The following PTPRD variants were observed in gnomAD, a reference collection of about 807,000 sequenced individuals.
PTPRD encodes the protein receptor-type tyrosine-protein phosphatase delta.
Under a neutral mutation model 214.5 loss-of-function variants are expected in PTPRD, and 34 were observed. The observed-to-expected ratio is 0.16, with a 90% CI of 0.12 to 0.21. The LOEUF is 0.21. Ranked by LOEUF, PTPRD falls within the 10% of genes least tolerant of loss-of-function variation. The probability of loss-of-function intolerance (pLI) is 1.00; values close to 1 mark genes in which losing one functional copy is unlikely to be tolerated. For synonymous variants in PTPRD, 1,128 were observed against 845.7 expected, an observed-to-expected ratio of 1.33 and a Z score of -5.79; for missense variants, 2,545 against 2,398.7, an observed-to-expected ratio of 1.06 and a Z score of -1.27.
At chr9:9,934,128 T>A (rs200012002) in intron 5 of PTPRD, among the ~76,000 whole-genome samples, 11 of 148,536 alleles carry the variant, frequency 7.4e-5, no homozygotes, top group African/African-American at 2.1e-4. Context: ...AGAAAGCAGG[T>A]AAGATCCAAA....
intron 6 of PTPRD, among the ~76,000 whole-genome samples, chr9:9,744,670 A>G (rs971647593): frequency 2.0e-5 from 3 of 152,074 alleles, no homozygotes; most frequent in African/African-American, 7.2e-5. Flanking sequence ...TATATCTTCA[A>G]GTATATGTAT....
At chr9:10,447,740 T>C (rs2098809627) in intron 2 of PTPRD, among the ~76,000 whole-genome samples, 1 of 152,054 alleles carries the variant, frequency 6.6e-6, no homozygotes, top group Non-Finnish European at 1.5e-5. Context: ...CCCAGTTTCC[T>C]TCCTCATTCT....
At chr9:9,682,267 C>G (rs1037818093) in intron 7 of PTPRD, among the ~76,000 whole-genome samples, 3 of 151,694 alleles carry the variant, frequency 2.0e-5, no homozygotes, top group African/African-American at 7.3e-5. Flanking sequence ...TTTTTCTTAC[C>G]TGGTTTTCTC....
chr9:9,913,301 A>C (rs1168088016), intron 5 of PTPRD, among the ~76,000 whole-genome samples: 1 of 152,234 alleles, frequency 6.6e-6, no homozygotes, highest in Non-Finnish European at 1.5e-5. Context: ...AGTGATAATG[A>C]ATCTATTCAG....
intron 12 of PTPRD, among the ~76,000 whole-genome samples, chr9:8,697,417 CTTTTTTT>C (rs752677458): frequency 1.6e-5 from 1 of 63,244 alleles, no homozygotes; most frequent in African/African-American, 6.7e-5. Context: ...TTTTTATGTA[CTTTTTTT>C]TTTTTTTTTT....
intron 2 of PTPRD, among the ~76,000 whole-genome samples, chr9:10,495,710 T>C (rs2041852080): frequency 6.6e-6 from 1 of 151,820 alleles, no homozygotes; most frequent in African/African-American, 2.4e-5. Flanking sequence ...GTATGAAACA[T>C]TGTAAGCTAT....
intron 5 of PTPRD, among the ~76,000 whole-genome samples, chr9:9,875,490 C>T (rs918742149): frequency 6.6e-6 from 1 of 152,084 alleles, no homozygotes; most frequent in Non-Finnish European, 1.5e-5. Context: ...CCAATCTACA[C>T]TGCCTTCTTA....
chr9:9,625,072 C>G (rs1239135924), intron 7 of PTPRD, among the ~76,000 whole-genome samples: 1 of 152,166 alleles, frequency 6.6e-6, no homozygotes, highest in Non-Finnish European at 1.5e-5. Flanking sequence ...ACTTGAAAGC[C>G]TAGACAGGGA....
intron 2 of PTPRD, among the ~76,000 whole-genome samples, chr9:10,414,293 C>G (rs1421922074): frequency 6.6e-6 from 1 of 151,784 alleles, no homozygotes; most frequent in Non-Finnish European, 1.5e-5. Flanking sequence ...TACCTGAACA[C>G]TTTTCAAAAG....
At chr9:9,804,881 GA>G (rs1186919094) in intron 5 of PTPRD, among the ~76,000 whole-genome samples, 1 of 151,352 alleles carries the variant, frequency 6.6e-6, no homozygotes, top group Non-Finnish European at 1.5e-5. Context: ...CTTGATAGAA[GA>G]AATTCCTTGT....
At chr9:8,687,570 T>C (rs1427111753) in intron 12 of PTPRD, among the ~76,000 whole-genome samples, 1 of 152,118 alleles carries the variant, frequency 6.6e-6, no homozygotes, top group Non-Finnish European at 1.5e-5. Context: ...ACAGCCAAGG[T>C]CGGATGGAAG....
chr9:10,022,490 G>C (rs1242614238), intron 4 of PTPRD, among the ~76,000 whole-genome samples: 1 of 151,880 alleles, frequency 6.6e-6, no homozygotes, highest in Non-Finnish European at 1.5e-5. Flanking sequence ...AAGATTATTA[G>C]TATTAGGTTG....
At chr9:9,643,657 T>G (rs1167598400) in intron 7 of PTPRD, among the ~76,000 whole-genome samples, 2 of 152,144 alleles carry the variant, frequency 1.3e-5, no homozygotes, top group African/African-American at 4.8e-5. Flanking sequence ...ACAAAATCTA[T>G]TTTTCTAAAT....
chr9:9,529,110 C>A (rs959174432), intron 8 of PTPRD, among the ~76,000 whole-genome samples: 2 of 151,078 alleles, frequency 1.3e-5, no homozygotes, highest in African/African-American at 4.9e-5. Context: ...TTTTTTGTAT[C>A]TTTGATAGAG....
chr9:9,933,439 T>C (rs1328328633), intron 5 of PTPRD, among the ~76,000 whole-genome samples: 3 of 151,664 alleles, frequency 2.0e-5, no homozygotes, highest in Non-Finnish European at 4.4e-5. Flanking sequence ...TAGTTTCTGA[T>C]AAAACAGACT....
intron 7 of PTPRD, among the ~76,000 whole-genome samples, chr9:9,665,061 G>A (rs529737075): frequency 8.6e-5 from 13 of 151,700 alleles, no homozygotes; most frequent in African/African-American, 3.1e-4. Flanking sequence ...ATATTTGTTT[G>A]TATTAAGGAG....
At chr9:9,253,737 T>G (rs1170311213) in intron 9 of PTPRD, among the ~76,000 whole-genome samples, 3 of 152,158 alleles carry the variant, frequency 2.0e-5, no homozygotes, top group African/African-American at 4.8e-5. Context: ...TTTGTTGAGC[T>G]TCACTGATTG....
intron 8 of PTPRD, among the ~76,000 whole-genome samples, chr9:9,490,386 A>C (rs913651293): frequency 4.6e-5 from 7 of 152,208 alleles, no homozygotes; most frequent in African/African-American, 1.7e-4. Context: ...GACAGTTTTT[A>C]ATTGTATTTG....
chr9:9,651,826 GTTTTTTTT>G lies in PTPRD; in HGVS notation c.-286-77053_-286-77046del, dbSNP rs869105633. Among the ~76,000 whole-genome samples, 221 of 55,078 alleles carry G rather than the reference GTTTTTTTT, an allele frequency of 4.0e-3. 1 individual carries two copies. Among genetic ancestry groups the G allele is most frequent in the Non-Finnish European group, 6.3e-3 (180 of 28,772 alleles). The allele number at this position is 55,078 out of a possible 152,430, so 36.1% of individuals were successfully genotyped here. On this transcript the variant is annotated intron_variant, in intron 7 of 45. Coordinates refer to ENST00000381196, the MANE Select transcript of PTPRD (RefSeq NM_002839.4). The stretch of plus-strand genomic sequence containing the variant: ...CTGCCTTTGTATTTATTCAAGGTTT[GTTTTTTTT>G]TTTTTTTTTTTTTTTTTTTTAATGG...
Sources: gnomAD v4.1 joint callset for allele counts (sites outside exome capture counted in the v4.1 genomes callset) on GRCh38, gnomAD v4.1.1 for gene constraint, MANE v1.5 for transcripts, NCBI Gene and HGNC (gene_info 2026-07-23, HGNC 2026-07-21) for gene names.